The following DGCR2 variants were observed in gnomAD, a reference collection of about 807,000 sequenced individuals.
DGCR2 encodes DiGeorge syndrome critical region gene 2.
DGCR2 carries 24 observed loss-of-function variants against 51.6 expected under a neutral mutation model. The observed-to-expected ratio is 0.47, with a 90% confidence interval of 0.34 to 0.65. DGCR2 has a LOEUF of 0.65. Ranked by LOEUF, DGCR2 falls within the 30% of genes least tolerant of loss-of-function variation. DGCR2 has a pLI of 0.01. For synonymous variants in DGCR2, 340 were observed against 315.4 expected, an observed-to-expected ratio of 1.08 and a Z score of -0.82; for missense variants, 765 against 772.1, an observed-to-expected ratio of 0.99 and a Z score of 0.11.
At chr22:19,060,403 T>C (rs1049737046) in intron 5 of DGCR2, among the ~76,000 whole-genome samples, 2 of 152,196 alleles carry the variant, frequency 1.3e-5, no homozygotes, top group African/African-American at 4.8e-5. Context: ...ACACACCTCC[T>C]GACCTCAGCC....
In DGCR2 at chr22:19,038,909, C is replaced by T; in HGVS notation, c.1609G>A (p.Gly537Arg). 6.2e-7 allele frequency: 1 copy of T among 1,612,828 alleles called. No homozygotes were observed. Among genetic ancestry groups the T allele is most frequent in the South Asian group, 1.1e-5 (1 of 91,044 alleles). The change falls in exon 10 of 10, where the codon GGG (glycine) becomes AGG (arginine). Residue 537 changes from glycine to arginine, a missense_variant. Coordinates refer to ENST00000263196, the MANE Select transcript of DGCR2 (RefSeq NM_005137.3). ...GSTPAAEALP[G>R]GGRHSRSSLN... Reference sequence around the variant, plus strand: ...GAGCTGCGGCTGTGGCGGCCACCCCCTGGCAGTGCCTCTGCAGCTGGGGTG... The same window carrying T: ...GAGCTGCGGCTGTGGCGGCCACCCCTTGGCAGTGCCTCTGCAGCTGGGGTG...
intron 2 of DGCR2, among the ~76,000 whole-genome samples, chr22:19,088,303 G>A (rs1010876293): frequency 2.6e-5 from 4 of 152,178 alleles, no homozygotes; most frequent in South Asian, 2.1e-4. Flanking sequence ...AGAGAGGGAC[G>A]AATGGGGGAC....
At chr22:19,062,991 G>A (rs746682831) in intron 5 of DGCR2, among the ~76,000 whole-genome samples, 3 of 152,122 alleles carry the variant, frequency 2.0e-5, no homozygotes, top group Non-Finnish European at 4.4e-5. Flanking sequence ...TGCAACAGAG[G>A]GTTCCAGAGA....
chr22:19,074,919 C>T (rs773282963), intron 2 of DGCR2, among the ~76,000 whole-genome samples: 1 of 152,108 alleles, frequency 6.6e-6, no homozygotes, highest in South Asian at 2.1e-4. Context: ...GCATTACCAA[C>T]GTGCTGCAGC....
intron 4 of DGCR2, among the ~76,000 whole-genome samples, chr22:19,064,050 G>C (rs2082719837): frequency 6.6e-6 from 1 of 152,210 alleles, no homozygotes; most frequent in Non-Finnish European, 1.5e-5. Flanking sequence ...GCACTGAAAG[G>C]ACCTTGCACT....
intron 6 of DGCR2, among the ~76,000 whole-genome samples, chr22:19,054,848 ATCCC>A (rs1373068093): frequency 2.0e-5 from 3 of 151,352 alleles, no homozygotes; most frequent in Non-Finnish European, 2.9e-5. Context: ...CACACCTATA[ATCCC>A]AGCACTTTGG....
chr22:19,063,172 C>A lies in DGCR2; in HGVS notation c.625+30G>T, dbSNP rs775945346. 4 of 1,609,868 alleles carry A rather than the reference C, an allele frequency of 2.5e-6. No homozygotes were observed. The South Asian group carries it at 4.4e-5, about 18-fold the overall frequency. On this transcript the variant is annotated intron_variant, in intron 5 of 9. Transcript: ENST00000263196. Reference sequence around the variant, plus strand: ...GAATCAGGGTGACTCTGCCCAGCTTCAAACACTCCCACACACCAGAAGGGC... The same window carrying A: ...GAATCAGGGTGACTCTGCCCAGCTTAAAACACTCCCACACACCAGAAGGGC...
intron 7 of DGCR2, chr22:19,046,813 C>A (rs1194354647): frequency 2.5e-6 from 1 of 394,416 alleles, no homozygotes; most frequent in Non-Finnish European, 5.3e-6. Flanking sequence ...GCACTAAGGG[C>A]CCTGCTCTGC....
In DGCR2 at chr22:19,048,492, T is replaced by C. The variant is rs200451963; in HGVS notation, c.954A>G (p.Gln318=). 22 of 1,614,034 alleles carry C rather than the reference T, an allele frequency of 1.4e-5. No homozygotes were observed. Among genetic ancestry groups the C allele is most frequent in the South Asian group, 4.4e-5 (4 of 91,086 alleles). ...AALCERPQGC[Q]QYRKDPKECC... is the part of the protein sequence containing the mutation. ...ACTCTTTGGGGTCCTTGCGGTACTG[T>C]TGGCAGCCCTGGGGCCTCTCACAGA... Residue 318 remains glutamine (Q), a synonymous_variant, in exon 7 of 10, where the codon CAA becomes CAG. Transcript: ENST00000263196.
Position 19,063,285 on chromosome 22 carries a change from G to C in DGCR2, c.549-7C>G. The C allele has an allele frequency of 6.2e-7, 1 of 1,613,740 alleles. No individual in the cohort carries two copies. Among genetic ancestry groups the C allele is most frequent in the Non-Finnish European group, 8.5e-7 (1 of 1,179,758 alleles). On this transcript the variant is annotated splice_polypyrimidine_tract_variant and splice_region_variant and intron_variant, in intron 4 of 9. Transcript: ENST00000263196. ...CTGATAGCCAACCCACAACCTGCAGGGCACAGAGACAGAGACAGAGATCTC... is the reference window on the plus strand; with the variant it reads ...CTGATAGCCAACCCACAACCTGCAGCGCACAGAGACAGAGACAGAGATCTC...
intron 2 of DGCR2, among the ~76,000 whole-genome samples, chr22:19,083,595 CTT>C (rs1210203225): frequency 6.6e-6 from 1 of 152,156 alleles, no homozygotes; most frequent in African/African-American, 2.4e-5. Flanking sequence ...TTTAATGTCT[CTT>C]AATAAAACTG....
At chr22:19,080,561 G>A (rs556807350) in intron 2 of DGCR2, among the ~76,000 whole-genome samples, 3 of 152,276 alleles carry the variant, frequency 2.0e-5, no homozygotes, top group African/African-American at 7.2e-5. Flanking sequence ...ACTCCTGCGG[G>A]GCACAGTGGC....
Position 19,078,226 on chromosome 22 carries a change from A to G in DGCR2, c.203-10001T>C, listed in dbSNP as rs566791920. Reference sequence around the variant, plus strand: ...TTTAGTACAGACAGACCCCCAACTTATGATAGTTTGACTAAAAAATTTTTC... The same window carrying G: ...TTTAGTACAGACAGACCCCCAACTTGTGATAGTTTGACTAAAAAATTTTTC... On this transcript the variant is annotated intron_variant, in intron 2 of 9. Coordinates refer to ENST00000263196, the MANE Select transcript of DGCR2 (RefSeq NM_005137.3). Among the ~76,000 whole-genome samples, 8 of 152,324 alleles carry G rather than the reference A, an allele frequency of 5.3e-5. No homozygotes were observed. The South Asian group carries it at 1.4e-3, about 28-fold the overall frequency.
chr22:19,082,006 C>G (rs1031971867), intron 2 of DGCR2, among the ~76,000 whole-genome samples: 5 of 150,594 alleles, frequency 3.3e-5, no homozygotes, highest in African/African-American at 1.2e-4. Flanking sequence ...CAAATATCTT[C>G]TCTCTACTCT....
intron 1 of DGCR2, among the ~76,000 whole-genome samples, chr22:19,115,400 T>A (rs2083363459): frequency 6.6e-6 from 1 of 152,086 alleles, no homozygotes; most frequent in Non-Finnish European, 1.5e-5. Flanking sequence ...TCAGCTCCCA[T>A]CACAGAAGCA....
rs749680291 is a variant in DGCR2, at chr22:19,089,489, C to T, written c.81G>A (p.Glu27=). The T allele has an allele frequency of 4.5e-6, 7 of 1,570,162 alleles. No individual in the cohort carries two copies. In the African/African-American group the frequency reaches 9.5e-5, roughly 21 times the overall value. ...VLTVTEPLRP[E]LRCNPGQFAC... is the part of the protein sequence containing the mutation. ...CAAACTGCCCAGGGTTGCACCGCAG[C>T]TCTGTGGGACCAAAGGGTGAGAGGC... Residue 27 remains glutamate, a splice_region_variant and synonymous_variant, in exon 2 of 10, where the codon GAG becomes GAA. Coordinates refer to ENST00000263196, the MANE Select transcript of DGCR2 (RefSeq NM_005137.3).
intron 2 of DGCR2, among the ~76,000 whole-genome samples, chr22:19,070,446 C>G (rs2082801748): frequency 1.3e-5 from 2 of 152,218 alleles, no homozygotes; most frequent in South Asian, 4.1e-4. Flanking sequence ...TGTGGCTCCA[C>G]TTTGTATCCT....
chr22:19,059,040 A>G (rs1265818012), intron 5 of DGCR2, among the ~76,000 whole-genome samples: 2 of 152,204 alleles, frequency 1.3e-5, no homozygotes, highest in African/African-American at 4.8e-5. Context: ...TCGTCTTTGG[A>G]GCATCCCTGG....
intron 1 of DGCR2, among the ~76,000 whole-genome samples, chr22:19,115,393 G>A (rs1415603721): frequency 2.0e-5 from 3 of 152,148 alleles, no homozygotes; most frequent in Non-Finnish European, 4.4e-5. Context: ...TCTCAGCTCA[G>A]CTCCCATCAC....
Sources: gnomAD v4.1 joint callset for allele counts (sites outside exome capture counted in the v4.1 genomes callset) on GRCh38, gnomAD v4.1.1 for gene constraint, MANE v1.5 for transcripts, NCBI Gene and HGNC (gene_info 2026-07-23, HGNC 2026-07-21) for gene names.